SLC22A24: variants seen among roughly 807,000 people sequenced by gnomAD.
The protein encoded by SLC22A24 is solute carrier family 22 member 24.
A neutral mutation model predicts 49.8 loss-of-function variants in SLC22A24; 53 were observed. The observed-to-expected ratio is 1.06, with a 90% CI of 0.85 to 1.34. The LOEUF (loss-of-function observed/expected upper bound fraction) is 1.34. SLC22A24 is among the 40% of genes most tolerant of loss of function. The pLI is 0.00. For synonymous variants in SLC22A24, 302 were observed against 256.4 expected, an observed-to-expected ratio of 1.18 and a Z score of -1.70; for missense variants, 786 against 675.9, an observed-to-expected ratio of 1.16 and a Z score of -1.81.
rs199795089 is a variant in SLC22A24 at position 63,143,511 on chromosome 11, C to G, written c.269G>C (p.Arg90Pro). 1 of 1,599,712 alleles carries G rather than the reference C, an allele frequency of 6.3e-7. No homozygotes were observed. The highest frequency in any genetic ancestry group is 8.5e-7 in the Non-Finnish European group (1 of 1,173,636). ...DSNLRPQKCQ[R>P]FIHPQWQLLH... ...GAGCTGCCACTGGGGATGGATAAAGCGCTGACACTTCTGTGGCCTCAGGTT... is the reference window on the plus strand; with the variant it reads ...GAGCTGCCACTGGGGATGGATAAAGGGCTGACACTTCTGTGGCCTCAGGTT... The change falls in exon 1 of 10, where the codon CGC becomes CCC. Residue 90 changes from arginine (R) to proline (P), a missense_variant. Arg to Pro is a moderately radical substitution (Grantham distance 103). Transcript: ENST00000612278.
At chr11:63,090,126 A>G (rs2087011189) in intron 6 of SLC22A24, among the ~76,000 whole-genome samples, 1 of 150,996 alleles carries the variant, frequency 6.6e-6, no homozygotes, top group Admixed American at 6.6e-5. Context: ...GGCATTACAT[A>G]ATGGTAAAGG....
At position 63,119,194 on chromosome 11, in the gene SLC22A24, G is replaced by A. The variant is rs1565334632; in HGVS notation, c.648C>T (p.Asn216=). 3 of 1,542,038 alleles carry A rather than the reference G, an allele frequency of 1.9e-6. No homozygotes were observed. Among genetic ancestry groups the A allele is most frequent in the Non-Finnish European group, 2.6e-6 (3 of 1,144,050 alleles). ...TTATTGACTTACTGAGAATAAAAGTGTTTCCCAAAATAGTCATGGTGGAGA... is the reference window on the plus strand; with the variant it reads ...TTATTGACTTACTGAGAATAAAAGTATTTCCCAAAATAGTCATGGTGGAGA... ...AGFSTMTILG[N]TFILSLEWTL... is the part of the protein sequence containing the mutation. Residue 216 remains asparagine (N), a synonymous_variant, in exon 3 of 10, where the codon AAC becomes AAT. Transcript: ENST00000612278.
At chr11:63,142,814 TCACTGG>T (rs1467280609) in intron 1 of SLC22A24, among the ~76,000 whole-genome samples, 1 of 152,110 alleles carries the variant, frequency 6.6e-6, no homozygotes, top group African/African-American at 2.4e-5. Context: ...CACTCTTGGC[TCACTGG>T]CTGCCCCCCA....
chr11:63,090,125 T>TG, intron 6 of SLC22A24, among the ~76,000 whole-genome samples: 1 of 126,362 alleles, frequency 7.9e-6, no homozygotes, highest in Non-Finnish European at 1.7e-5. Context: ...TGGCATTACA[T>TG]AATGGTAAAG....
intron 4 of SLC22A24, among the ~76,000 whole-genome samples, chr11:63,106,868 A>AT (rs756370659): frequency 3.3e-5 from 5 of 152,056 alleles, no homozygotes; most frequent in Non-Finnish European, 5.9e-5. Flanking sequence ...ATTTTCTCCG[A>AT]TTTTTTAGGT....
chr11:63,094,875 AT>A (rs1367772963), intron 6 of SLC22A24, among the ~76,000 whole-genome samples: 1 of 151,982 alleles, frequency 6.6e-6, no homozygotes, highest in Admixed American at 6.6e-5. Context: ...TAGATTCTGG[AT>A]ATTAGCCCTT....
intron 4 of SLC22A24, among the ~76,000 whole-genome samples, chr11:63,111,062 T>C (rs905944349): frequency 3.9e-5 from 6 of 151,982 alleles, no homozygotes; most frequent in African/African-American, 9.6e-5. Context: ...GCATGAAGGG[T>C]TGTTGAATTT....
At chr11:63,112,221 G>T (rs1420349462) in intron 4 of SLC22A24, among the ~76,000 whole-genome samples, 6 of 152,088 alleles carry the variant, frequency 3.9e-5, no homozygotes, top group African/African-American at 1.4e-4. Flanking sequence ...GAGATAGTTT[G>T]TTATAATTTC....
chr11:63,138,289 G>T (rs2087389545), intron 1 of SLC22A24, among the ~76,000 whole-genome samples: 1 of 152,048 alleles, frequency 6.6e-6, no homozygotes, highest in South Asian at 2.1e-4. Context: ...GAAATTTTGG[G>T]GTTCATGTCA....
At chr11:63,129,918 C>T (rs1022218320) in intron 2 of SLC22A24, among the ~76,000 whole-genome samples, 16 of 152,160 alleles carry the variant, frequency 1.1e-4, no homozygotes, top group African/African-American at 3.9e-4. Flanking sequence ...ATTTCATCTG[C>T]AAACAGAGAC....
intron 4 of SLC22A24, among the ~76,000 whole-genome samples, chr11:63,113,482 G>C (rs1312067219): frequency 6.6e-6 from 1 of 151,890 alleles, no homozygotes; most frequent in Admixed American, 6.6e-5. Context: ...TTGCTTGTCT[G>C]TAAAGGATTT....
At chr11:63,098,621 C>T (rs1051981713) in intron 5 of SLC22A24, among the ~76,000 whole-genome samples, 22 of 152,190 alleles carry the variant, frequency 1.4e-4, no homozygotes, top group African/African-American at 3.6e-4. Flanking sequence ...CAAGATTACA[C>T]CACTGCCCTC....
intron 5 of SLC22A24, among the ~76,000 whole-genome samples, chr11:63,101,737 A>T (rs2087092419): frequency 6.6e-6 from 1 of 152,144 alleles, no homozygotes; most frequent in South Asian, 2.1e-4. Flanking sequence ...ATACGTATAC[A>T]TGGAGTACTA....
At chr11:63,131,889 C>T (rs892070681) in intron 2 of SLC22A24, among the ~76,000 whole-genome samples, 9 of 152,182 alleles carry the variant, frequency 5.9e-5, no homozygotes, top group African/African-American at 1.9e-4. Context: ...AACTTGGTTC[C>T]ATTTTCCCTG....
Position 63,108,305 on chromosome 11 carries a change from G to A in SLC22A24, c.831-4007C>T, listed in dbSNP as rs974844918. ...AAGCCGACTTGATCGTGGTGGATAA[G>A]CTTTTTGATGTGCTGCTGGATTCGT... On this transcript the variant is annotated intron_variant, in intron 4 of 9. Coordinates refer to ENST00000612278, the MANE Select transcript of SLC22A24 (RefSeq NM_001136506.2). Among the ~76,000 whole-genome samples, 33 of 152,262 alleles carry A rather than the reference G, an allele frequency of 2.2e-4. No homozygotes were observed. The South Asian group carries it at 2.5e-3, about 11-fold the overall frequency.
At chr11:63,129,532 A>G (rs760431353) in intron 2 of SLC22A24, among the ~76,000 whole-genome samples, 2 of 152,132 alleles carry the variant, frequency 1.3e-5, no homozygotes, top group Non-Finnish European at 2.9e-5. Flanking sequence ...TGGTAGCTAG[A>G]TGGGGATGGC....
intron 1 of SLC22A24, chr11:63,137,973 T>G (rs572310028): frequency 6.6e-6 from 1 of 152,384 alleles, no homozygotes; most frequent in African/African-American, 2.4e-5. Flanking sequence ...AAGGGTTTGA[T>G]TAATAAAAAA....
At chr11:63,126,889 G>A (rs752611306) in intron 2 of SLC22A24, among the ~76,000 whole-genome samples, 2 of 152,040 alleles carry the variant, frequency 1.3e-5, no homozygotes, top group Admixed American at 6.6e-5. Context: ...TGTATTCCTA[G>A]GTATTTTATT....
At chr11:63,130,678 C>T (rs1386733604) in intron 2 of SLC22A24, among the ~76,000 whole-genome samples, 1 of 152,112 alleles carries the variant, frequency 6.6e-6, no homozygotes, top group Non-Finnish European at 1.5e-5. Context: ...TTCAGAGATT[C>T]AACTTCTTCC....
Sources: gnomAD v4.1 joint callset for allele counts (sites outside exome capture counted in the v4.1 genomes callset) on GRCh38, gnomAD v4.1.1 for gene constraint, MANE v1.5 for transcripts, NCBI Gene and HGNC (gene_info 2026-07-23, HGNC 2026-07-21) for gene names.